The following RORA variants were observed in gnomAD, a reference collection of about 807,000 sequenced individuals.
The protein encoded by RORA is nuclear receptor ROR-alpha.
Under a neutral mutation model 69.5 loss-of-function variants are expected in RORA, and 7 were observed. The observed-to-expected ratio is 0.10, with a 90% CI of 0.06 to 0.19. RORA has a LOEUF of 0.19. RORA is among the 10% of genes least tolerant of loss of function. The pLI is 1.00. For synonymous variants in RORA, 261 were observed against 240.8 expected, an observed-to-expected ratio of 1.08 and a Z score of -0.78; for missense variants, 457 against 663.0, an observed-to-expected ratio of 0.69 and a Z score of 3.41.
At chr15:61,038,498 C>A (rs1454003579) in intron 1 of RORA, among the ~76,000 whole-genome samples, 1 of 152,206 alleles carries the variant, frequency 6.6e-6, no homozygotes, top group African/African-American at 2.4e-5. Flanking sequence ...CAATCAATCA[C>A]TGTCAGCTGC....
intron 1 of RORA, among the ~76,000 whole-genome samples, chr15:60,695,956 A>AC (rs2070897998): frequency 6.6e-6 from 1 of 152,242 alleles, no homozygotes; most frequent in South Asian, 2.1e-4. Context: ...TCCCGCGACC[A>AC]CCAAGCCACA....
At chr15:61,151,428 G>A (rs73434617) in intron 1 of RORA, among the ~76,000 whole-genome samples, 1 of 152,072 alleles carries the variant, frequency 6.6e-6, no homozygotes, top group African/African-American at 2.4e-5. Context: ...CTTTTCTTTT[G>A]GAAAGATATG....
chr15:61,195,116 A>G (rs1260476272), intron 1 of RORA, among the ~76,000 whole-genome samples: 1 of 152,142 alleles, frequency 6.6e-6, no homozygotes, highest in Non-Finnish European at 1.5e-5. Flanking sequence ...ACCTTATCCC[A>G]AAATAGCCCC....
At chr15:60,801,092 AC>A (rs1298469970) in intron 1 of RORA, among the ~76,000 whole-genome samples, 2 of 152,236 alleles carry the variant, frequency 1.3e-5, no homozygotes, top group African/African-American at 4.8e-5. Context: ...AAGGCAGACC[AC>A]AAAATAGAGT....
intron 1 of RORA, among the ~76,000 whole-genome samples, chr15:61,139,357 T>C (rs766583120): frequency 2.0e-5 from 3 of 152,132 alleles, no homozygotes; most frequent in African/African-American, 4.8e-5. Context: ...CTTGTCTAAA[T>C]AGATTAGAAG....
chr15:60,792,465 T>A (rs1404180564), intron 1 of RORA, among the ~76,000 whole-genome samples: 1 of 152,152 alleles, frequency 6.6e-6, no homozygotes, highest in Non-Finnish European at 1.5e-5. Context: ...ACTCCGCACA[T>A]CCTAAGCAAG....
intron 1 of RORA, among the ~76,000 whole-genome samples, chr15:60,706,904 T>C (rs2071070184): frequency 6.6e-6 from 1 of 152,196 alleles, no homozygotes; most frequent in Non-Finnish European, 1.5e-5. Context: ...ACAAACTAGT[T>C]GCCTCTGATG....
At chr15:60,854,973 A>G (rs2073364414) in intron 1 of RORA, among the ~76,000 whole-genome samples, 1 of 152,188 alleles carries the variant, frequency 6.6e-6, no homozygotes, top group Non-Finnish European at 1.5e-5. Flanking sequence ...TGTCCCTGTT[A>G]AACAGGTCTG....
At chr15:60,732,176 C>A (rs541338183) in intron 1 of RORA, among the ~76,000 whole-genome samples, 1 of 152,274 alleles carries the variant, frequency 6.6e-6, no homozygotes, top group South Asian at 2.1e-4. Flanking sequence ...TATACACCCC[C>A]AAATTAGATT....
At chr15:60,816,100 ATGTATT>A (rs1453734590) in intron 1 of RORA, among the ~76,000 whole-genome samples, 1 of 132,842 alleles carries the variant, frequency 7.5e-6, no homozygotes, top group Non-Finnish European at 1.5e-5. Context: ...TAAACAGTAT[ATGTATT>A]TATATACTGT....
At chr15:61,183,722 A>C (rs921303862) in intron 1 of RORA, among the ~76,000 whole-genome samples, 9 of 152,114 alleles carry the variant, frequency 5.9e-5, no homozygotes, top group African/African-American at 1.9e-4. Flanking sequence ...AAAAATGGTA[A>C]TGTTTTAATG....
chr15:60,886,822 C>G (rs1332563988), intron 1 of RORA, among the ~76,000 whole-genome samples: 3 of 152,208 alleles, frequency 2.0e-5, no homozygotes, highest in Non-Finnish European at 4.4e-5. Context: ...ACAACTGAGT[C>G]TCTTTCTGAA....
chr15:61,163,957 A>T (rs1278494099), intron 1 of RORA, among the ~76,000 whole-genome samples: 1 of 152,234 alleles, frequency 6.6e-6, no homozygotes, highest in Non-Finnish European at 1.5e-5. Context: ...ATTTAATCCA[A>T]ATTAGTCAGA....
At chr15:61,192,641 G>T (rs1217154981) in intron 1 of RORA, among the ~76,000 whole-genome samples, 1 of 152,164 alleles carries the variant, frequency 6.6e-6, no homozygotes, top group Non-Finnish European at 1.5e-5. Context: ...TGAGTCTATT[G>T]CTTTCCCTTG....
intron 1 of RORA, among the ~76,000 whole-genome samples, chr15:60,996,777 GCA>G (rs1894555650): frequency 6.6e-6 from 1 of 151,972 alleles, no homozygotes; most frequent in African/African-American, 2.4e-5. Context: ...GGGAGTGGTG[GCA>G]GGCGCCTGTA....
At chr15:61,204,804 A>C (rs1403699038) in intron 1 of RORA, among the ~76,000 whole-genome samples, 2 of 152,216 alleles carry the variant, frequency 1.3e-5, no homozygotes, top group African/African-American at 2.4e-5. Flanking sequence ...AGAGAAATTG[A>C]GACTGTGCGT....
intron 2 of RORA, chr15:60,627,475 G>A: frequency 2.6e-6 from 4 of 1,563,270 alleles, no homozygotes; most frequent in South Asian, 2.4e-5. Context: ...TCCAACAGCT[G>A]GGTGGAGAAT....
chr15:60,926,135 G>T (rs1317054640), intron 1 of RORA, among the ~76,000 whole-genome samples: 1 of 152,174 alleles, frequency 6.6e-6, no homozygotes, highest in African/African-American at 2.4e-5. Context: ...TTCATGACAG[G>T]TATACATCTA....
chr15:61,075,886 C>T (rs2078442064), intron 1 of RORA, among the ~76,000 whole-genome samples: 1 of 152,204 alleles, frequency 6.6e-6, no homozygotes, highest in Admixed American at 6.5e-5. Context: ...ACACCCTCCC[C>T]ATACGGGCTT....
Sources: gnomAD v4.1 joint callset for allele counts (sites outside exome capture counted in the v4.1 genomes callset) on GRCh38, gnomAD v4.1.1 for gene constraint, MANE v1.5 for transcripts, NCBI Gene and HGNC (gene_info 2026-07-23, HGNC 2026-07-21) for gene names.